The following CYP39A1 variants were observed in gnomAD, a reference collection of about 807,000 sequenced individuals.
The protein encoded by CYP39A1 is 24-hydroxycholesterol 7-alpha-hydroxylase.
A neutral mutation model predicts 58.1 loss-of-function variants in CYP39A1; 49 were observed. That is an observed-to-expected ratio of 0.84 (90% confidence interval 0.67 to 1.07). CYP39A1 has a LOEUF of 1.07. CYP39A1 is among the 50% of genes least tolerant of loss of function. The probability of loss-of-function intolerance (pLI) is 0.00; values close to 1 mark genes in which losing one functional copy is unlikely to be tolerated. For synonymous variants in CYP39A1, 209 were observed against 187.6 expected, an observed-to-expected ratio of 1.11 and a Z score of -0.93; for missense variants, 531 against 539.4, an observed-to-expected ratio of 0.98 and a Z score of 0.16.
At chr6:46,564,370 A>AT (rs755575299) in intron 10 of CYP39A1, among the ~76,000 whole-genome samples, 4 of 151,266 alleles carry the variant, frequency 2.6e-5, no homozygotes, top group African/African-American at 4.9e-5. Flanking sequence ...ATTTTTTTGT[A>AT]TTTTTAGTAG....
intron 10 of CYP39A1, among the ~76,000 whole-genome samples, chr6:46,575,138 A>C (rs556346476): frequency 6.6e-6 from 1 of 152,198 alleles, no homozygotes; most frequent in East Asian, 1.9e-4. Flanking sequence ...GATCCTAGCT[A>C]TGGGAGATCC....
chr6:46,604,301 CT>C (rs748281492), intron 7 of CYP39A1, among the ~76,000 whole-genome samples: 3 of 152,194 alleles, frequency 2.0e-5, no homozygotes, highest in Non-Finnish European at 2.9e-5. Context: ...ATACAATCAC[CT>C]TTTCCTGACT....
At chr6:46,576,889 T>C (rs1002636004) in intron 10 of CYP39A1, among the ~76,000 whole-genome samples, 1 of 152,180 alleles carries the variant, frequency 6.6e-6, no homozygotes, top group Non-Finnish European at 1.5e-5. Context: ...CTGAAAAAGA[T>C]GGAGAGAGAA....
At chr6:46,601,774 G>C (rs1773523301) in intron 7 of CYP39A1, among the ~76,000 whole-genome samples, 1 of 151,502 alleles carries the variant, frequency 6.6e-6, no homozygotes. Context: ...GCCCATCTCA[G>C]CCTCCCAAAG....
intron 7 of CYP39A1, among the ~76,000 whole-genome samples, chr6:46,618,147 C>A (rs1269563687): frequency 2.0e-5 from 3 of 152,146 alleles, no homozygotes; most frequent in East Asian, 3.9e-4. Context: ...CTAAGACTTA[C>A]AAAGCAATTA....
intron 2 of CYP39A1, among the ~76,000 whole-genome samples, chr6:46,641,708 A>C (rs1216128377): frequency 4.6e-5 from 7 of 152,152 alleles, no homozygotes; most frequent in Non-Finnish European, 8.8e-5. Flanking sequence ...GCTCCCATTG[A>C]CCATAACAGC....
chr6:46,633,909 C>T (rs924430462), intron 5 of CYP39A1, among the ~76,000 whole-genome samples: 7 of 152,068 alleles, frequency 4.6e-5, no homozygotes, highest in Admixed American at 3.9e-4. Context: ...CACACAAGCT[C>T]AGTGTGAACA....
intron 5 of CYP39A1, among the ~76,000 whole-genome samples, chr6:46,636,101 G>A (rs775934598): frequency 6.6e-6 from 1 of 152,112 alleles, no homozygotes; most frequent in African/African-American, 2.4e-5. Flanking sequence ...TTCACCTGTC[G>A]CTATTGACAC....
chr6:46,573,463 T>C (rs1316448871), intron 10 of CYP39A1, among the ~76,000 whole-genome samples: 1 of 152,110 alleles, frequency 6.6e-6, no homozygotes, highest in Non-Finnish European at 1.5e-5. Context: ...TGATGAAAGT[T>C]TTAGAGGGCC....
intron 10 of CYP39A1, among the ~76,000 whole-genome samples, chr6:46,560,282 G>A (rs974125827): frequency 4.6e-5 from 7 of 152,224 alleles, no homozygotes; most frequent in East Asian, 3.9e-4. Context: ...GAATGGAAGC[G>A]AAAAGAGTGA....
At chr6:46,616,431 T>A (rs1424279709) in intron 7 of CYP39A1, among the ~76,000 whole-genome samples, 1 of 151,700 alleles carries the variant, frequency 6.6e-6, no homozygotes, top group South Asian at 2.1e-4. Context: ...GCTAACAATT[T>A]TTTTAAGAGA....
chr6:46,602,444 G>A (rs1262323204), intron 7 of CYP39A1, among the ~76,000 whole-genome samples: 4 of 152,034 alleles, frequency 2.6e-5, no homozygotes, highest in African/African-American at 9.7e-5. Flanking sequence ...GTTGGATGTG[G>A]GGCCCAAGAG....
rs144585896 is a variant in CYP39A1, at chr6:46,587,099, C to T, written c.1228G>A (p.Gly410Arg). The change falls in exon 10 of 12, where the codon GGG becomes AGG. Residue 410 changes from glycine to arginine, a missense_variant. Coordinates refer to ENST00000275016, the MANE Select transcript of CYP39A1 (RefSeq NM_016593.5). ...FLDCFMAFGS[G>R]KFQCPARWFA... ...GACCTTGCAGGACACTGGAACTTCC[C>T]GCTTCCAAATGCCATGAAGCAGTCC... 2,239 of 1,611,708 alleles carry T rather than the reference C, an allele frequency of 1.4e-3. 10 individuals are homozygous for T. Among genetic ancestry groups the T allele is most frequent in the Non-Finnish European group, 1.7e-3 (1,962 of 1,178,908 alleles).
chr6:46,630,562 A>C (rs141849577), intron 6 of CYP39A1, among the ~76,000 whole-genome samples: 2,229 of 152,272 alleles, frequency 0.015, 35 homozygotes, highest in Non-Finnish European at 0.023. Flanking sequence ...AAGTTACCTG[A>C]AACTATCCAT....
chr6:46,645,338 T>G (rs1762254951), intron 1 of CYP39A1, among the ~76,000 whole-genome samples: 1 of 152,194 alleles, frequency 6.6e-6, no homozygotes, highest in South Asian at 2.1e-4. Flanking sequence ...AGGTAGAAAT[T>G]CATGTTTTGT....
At chr6:46,592,586 A>T (rs1772904931) in intron 8 of CYP39A1, among the ~76,000 whole-genome samples, 1 of 152,220 alleles carries the variant, frequency 6.6e-6, no homozygotes, top group Non-Finnish European at 1.5e-5. Flanking sequence ...GGACTAGTTT[A>T]AAAATGTATA....
chr6:46,575,527 T>C (rs1771803486), intron 10 of CYP39A1, among the ~76,000 whole-genome samples: 1 of 152,172 alleles, frequency 6.6e-6, no homozygotes, highest in African/African-American at 2.4e-5. Flanking sequence ...TGGAGCACTT[T>C]TGCATCTTGC....
intron 7 of CYP39A1, among the ~76,000 whole-genome samples, chr6:46,616,362 A>G (rs9472799): frequency 0.19 from 28,241 of 149,616 alleles, 2,871 homozygotes; most frequent in African/African-American, 0.26. Context: ...GACTCAGGTC[A>G]ATCCTCCCAC....
chr6:46,604,360 T>C (rs889552328), intron 7 of CYP39A1, among the ~76,000 whole-genome samples: 3 of 151,626 alleles, frequency 2.0e-5, no homozygotes, highest in African/African-American at 7.3e-5. Context: ...TTTACTCTAG[T>C]GCTTTTTCCT....
Sources: allele counts gnomAD v4.1 joint callset (sites outside exome capture counted in the v4.1 genomes callset), GRCh38; gene constraint gnomAD v4.1.1; transcripts MANE v1.5; gene names NCBI Gene and HGNC (gene_info 2026-07-23, HGNC 2026-07-21).